Variants in TRERF1 observed in about 807,000 individuals in gnomAD.
TRERF1 encodes transcriptional-regulating factor 1.
A neutral mutation model predicts 122.9 loss-of-function variants in TRERF1; 27 were observed. The ratio of observed to expected loss-of-function variants is 0.22; its 90% CI spans 0.16 to 0.30. The LOEUF is 0.30. TRERF1 is among the 10% of genes least tolerant of loss of function. TRERF1 has a pLI of 1.00. For missense variants in TRERF1, 1,248 were observed against 1,560.3 expected, an observed-to-expected ratio of 0.80 and a Z score of 3.37; for synonymous variants, 636 against 641.7, an observed-to-expected ratio of 0.99 and a Z score of 0.13.
At chr6:42,352,993 C>G (rs1769755086) in intron 3 of TRERF1, among the ~76,000 whole-genome samples, 1 of 151,984 alleles carries the variant, frequency 6.6e-6, no homozygotes, top group Non-Finnish European at 1.5e-5. Context: ...GGCATGACAA[C>G]AGGAAAAAAA....
intron 3 of TRERF1, among the ~76,000 whole-genome samples, chr6:42,353,810 T>C (rs886853683): frequency 1.8e-4 from 27 of 152,206 alleles, no homozygotes; most frequent in Non-Finnish European, 4.4e-5. Context: ...ATTTCTTTAT[T>C]GTTTAAAAAA....
chr6:42,378,896 G>A (rs1167948684), intron 2 of TRERF1, among the ~76,000 whole-genome samples: 1 of 152,108 alleles, frequency 6.6e-6, no homozygotes, highest in Non-Finnish European at 1.5e-5. Flanking sequence ...CAGGCAGATT[G>A]CTTGAGTCCA....
At chr6:42,277,805 T>A (rs764088009) in intron 4 of TRERF1, among the ~76,000 whole-genome samples, 1 of 151,056 alleles carries the variant, frequency 6.6e-6, no homozygotes, top group Non-Finnish European at 1.5e-5. Context: ...ATTATACCAC[T>A]GCATGCTAGC....
chr6:42,337,984 C>G (rs924323233), intron 3 of TRERF1, among the ~76,000 whole-genome samples: 3 of 152,180 alleles, frequency 2.0e-5, no homozygotes, highest in Admixed American at 2.0e-4. Flanking sequence ...TGCGGAGTCT[C>G]AGGCCCTACC....
chr6:42,428,213 T>G (rs1783935730), intron 2 of TRERF1, among the ~76,000 whole-genome samples: 1 of 152,258 alleles, frequency 6.6e-6, no homozygotes. Context: ...ATGTAACTTC[T>G]GGTAGGGACA....
intron 2 of TRERF1, among the ~76,000 whole-genome samples, chr6:42,374,690 G>A (rs1236933317): frequency 2.6e-5 from 4 of 152,168 alleles, no homozygotes; most frequent in East Asian, 3.9e-4. Flanking sequence ...CTCAGAGGTA[G>A]AAATGTGAAC....
chr6:42,387,403 T>A (rs949969045), intron 2 of TRERF1, among the ~76,000 whole-genome samples: 1 of 152,218 alleles, frequency 6.6e-6, no homozygotes, highest in Non-Finnish European at 1.5e-5. Context: ...CCCTATTCTG[T>A]AGCCCCTCCA....
intron 3 of TRERF1, among the ~76,000 whole-genome samples, chr6:42,356,990 A>C (rs1312345669): frequency 6.6e-6 from 1 of 152,178 alleles, no homozygotes; most frequent in Non-Finnish European, 1.5e-5. Context: ...GCCGTGGAGC[A>C]AGATATGCCT....
chr6:42,356,030 G>A (rs527635149), intron 3 of TRERF1, among the ~76,000 whole-genome samples: 40 of 152,322 alleles, frequency 2.6e-4, no homozygotes, highest in African/African-American at 9.1e-4. Context: ...GAGACCTGGA[G>A]AGACAAGGAG....
intron 7 of TRERF1, 54 bp downstream of exon 7, chr6:42,264,650 A>C (rs1778819348): frequency 6.3e-7 from 1 of 1,590,370 alleles, no homozygotes; most frequent in African/African-American, 1.3e-5. Context: ...ACGGCAGCAA[A>C]GCAAAGCAAG....
intron 17 of TRERF1, among the ~76,000 whole-genome samples, chr6:42,229,301 C>A (rs1770052354): frequency 6.6e-6 from 1 of 152,134 alleles, no homozygotes. Context: ...CCATGCCTGG[C>A]TAATTTTTAA....
chr6:42,239,008 C>T (rs1040518115), intron 15 of TRERF1, among the ~76,000 whole-genome samples: 1 of 152,132 alleles, frequency 6.6e-6, no homozygotes, highest in Non-Finnish European at 1.5e-5. Flanking sequence ...CTATCTTATT[C>T]CAAAACCTCA....
intron 2 of TRERF1, among the ~76,000 whole-genome samples, chr6:42,446,064 G>A (rs1332923987): frequency 2.0e-5 from 3 of 152,138 alleles, no homozygotes; most frequent in Non-Finnish European, 4.4e-5. Flanking sequence ...ACAGGCATCC[G>A]CCACCACGCA....
At chr6:42,444,029 G>T (rs901725976) in intron 2 of TRERF1, among the ~76,000 whole-genome samples, 1 of 151,984 alleles carries the variant, frequency 6.6e-6, no homozygotes, top group East Asian at 1.9e-4. Flanking sequence ...CTAGTCCAGA[G>T]CCTTGGTGTA....
Position 42,393,599 on chromosome 6 carries a change from A to G in TRERF1, c.-453-30520T>C, listed in dbSNP as rs1193724095. ...CATTTAGTTCAGTGTGCTTCACCAG[A>G]GAATTTCTTTCCTAAAACAGTGACC... On this transcript the variant is annotated intron_variant, in intron 2 of 17. Transcript: ENST00000372922. This position sits in a 1 kb window ranked among gnomAD's most constrained non-coding sequence, Gnocchi z 4.1. 2.6e-5 allele frequency among the ~76,000 whole-genome samples: 4 copies of G among 152,240 alleles called. No individual in the cohort carries two copies. The highest frequency in any genetic ancestry group is 5.9e-5 in the Non-Finnish European group (4 of 68,034).
chr6:42,268,610 A>G lies in TRERF1; in HGVS notation c.981T>C (p.Tyr327=), dbSNP rs1304360608. ...AGTGCTGCATCATGGGTTGGGGCTG[A>G]TAATACTGAGGTATCTGCATTGAAC... The change falls in exon 5 of 18, where the codon TAT becomes TAC. Residue 327 remains tyrosine (Y), a synonymous_variant. Transcript: ENST00000372922. This position sits in a 1 kb window ranked among gnomAD's most constrained non-coding sequence, Gnocchi z 4.4. 2 of 1,614,074 alleles carry G rather than the reference A, an allele frequency of 1.2e-6. No individual in the cohort carries two copies. The highest frequency in any genetic ancestry group is 1.1e-5 in the South Asian group (1 of 91,070).
At chr6:42,279,048 C>G (rs906109084) in intron 4 of TRERF1, among the ~76,000 whole-genome samples, 4 of 152,200 alleles carry the variant, frequency 2.6e-5, no homozygotes, top group African/African-American at 9.7e-5. Flanking sequence ...GAGGAGGAGG[C>G]TTCCAAAGGA....
At chr6:42,313,974 C>G (rs141028634) in intron 3 of TRERF1, among the ~76,000 whole-genome samples, 3 of 151,754 alleles carry the variant, frequency 2.0e-5, no homozygotes, top group Non-Finnish European at 2.9e-5. Flanking sequence ...GGAATGAGAC[C>G]GGAAGCCGGG....
intron 2 of TRERF1, among the ~76,000 whole-genome samples, chr6:42,377,312 C>T (rs765193261): frequency 4.6e-5 from 7 of 152,174 alleles, no homozygotes; most frequent in Non-Finnish European, 1.0e-4. Flanking sequence ...AAAGAAACCC[C>T]GTACCCATTC....
Sources: allele counts gnomAD v4.1 joint callset (sites outside exome capture counted in the v4.1 genomes callset), GRCh38; gene constraint gnomAD v4.1.1; non-coding constraint Gnocchi (gnomAD v3.1); transcripts MANE v1.5; gene names NCBI Gene and HGNC (gene_info 2026-07-23, HGNC 2026-07-21).